Variants in OCLN observed in about 807,000 individuals in gnomAD.
The protein encoded by OCLN is occludin, also known as phosphatase 1, regulatory subunit 115.
A neutral mutation model predicts 47.9 loss-of-function variants in OCLN; 21 were observed. The ratio of observed to expected loss-of-function variants is 0.44; its 90% CI spans 0.31 to 0.63. The LOEUF is 0.63. Among genes scored for constraint, OCLN ranks in the 30% least tolerant of loss-of-function variants. OCLN has a pLI of 0.08. For synonymous variants in OCLN, 117 were observed against 198.4 expected (o/e 0.59, Z 3.45); for missense variants, 360 against 571.0 (o/e 0.63, Z 3.77).
chr5:69,525,799 TTA>T (rs1297276306), intron 4 of OCLN, among the ~76,000 whole-genome samples: 10 of 152,190 alleles, frequency 6.6e-5, no homozygotes, highest in African/African-American at 2.4e-4. Context: ...CTTCTCTCCT[TTA>T]GGGAAAGATG....
chr5:69,496,364 C>T (rs1768291073), intron 1 of OCLN, among the ~76,000 whole-genome samples: 1 of 152,056 alleles, frequency 6.6e-6, no homozygotes, highest in Non-Finnish European at 1.5e-5. Context: ...CCCCAAAGTG[C>T]TGGGATTACA....
chr5:69,514,981 C>T (rs542232323), intron 4 of OCLN, among the ~76,000 whole-genome samples: 131 of 152,366 alleles, frequency 8.6e-4, no homozygotes, highest in Middle Eastern at 3.4e-3. Context: ...GCCTTTCCCC[C>T]CTTTCTATTC....
At chr5:69,496,610 TG>T (rs1379139138) in intron 1 of OCLN, among the ~76,000 whole-genome samples, 2 of 150,250 alleles carry the variant, frequency 1.3e-5, no homozygotes, top group Non-Finnish European at 3.0e-5. Flanking sequence ...CTTACTCTGT[TG>T]CCCAGCCTGA....
rs2111973981 is a variant in OCLN, at chr5:69,509,319, A to G, written c.229A>G (p.Ile77Val). Reference protein sequence around the residue: ...ILSMLIIVMCIAIFACVASTL... With the variant: ...ILSMLIIVMCVAIFACVASTL... The stretch of plus-strand genomic sequence containing the variant: ...GTCTATGCTCATTATTGTGATGTGC[A>G]TTGCCATCTTTGCCTGTGTGGCCTC... The change falls in exon 3 of 9, where the codon ATT (isoleucine) becomes GTT (valine). Residue 77 changes from isoleucine (I) to valine (V), a missense_variant. By Grantham distance (29) the Ile-to-Val change is conservative. Around this residue, in one of 3 missense-constraint regions of OCLN, gnomAD observed 314 missense variants for 368.1 expected, o/e 0.85. Transcript: ENST00000396442. 2 of 1,614,202 alleles carry G rather than the reference A, an allele frequency of 1.2e-6. No homozygotes were observed. Among genetic ancestry groups the G allele is most frequent in the African/African-American group, 2.7e-5 (2 of 75,064 alleles).
At chr5:69,497,210 G>A (rs1317216333) in intron 1 of OCLN, among the ~76,000 whole-genome samples, 2 of 149,150 alleles carry the variant, frequency 1.3e-5, no homozygotes, top group African/African-American at 5.0e-5. Context: ...TCCTAACATT[G>A]AGATGAAATC....
intron 4 of OCLN, among the ~76,000 whole-genome samples, chr5:69,533,859 G>T (rs540145768): frequency 3.3e-5 from 5 of 151,958 alleles, no homozygotes; most frequent in African/African-American, 1.2e-4. Context: ...ACGGGGTTTC[G>T]CTGTGTCAGC....
intron 4 of OCLN, among the ~76,000 whole-genome samples, chr5:69,531,151 T>C (rs1362805999): frequency 6.6e-6 from 1 of 152,200 alleles, no homozygotes; most frequent in Non-Finnish European, 1.5e-5. Context: ...AGTCAGATAG[T>C]GGTGGCTTAA....
At chr5:69,497,905 G>A (rs1399616522) in intron 1 of OCLN, among the ~76,000 whole-genome samples, 1 of 152,040 alleles carries the variant, frequency 6.6e-6, no homozygotes, top group Admixed American at 6.6e-5. Context: ...GGCCGAGGCG[G>A]GCGGATCACG....
intron 4 of OCLN, among the ~76,000 whole-genome samples, chr5:69,530,905 CT>C (rs1414576771): frequency 6.6e-6 from 1 of 152,176 alleles, no homozygotes; most frequent in Non-Finnish European, 1.5e-5. Flanking sequence ...ATGAGGTAAA[CT>C]TTATGCAGCA....
chr5:69,536,031 C>T (rs1769574570), intron 5 of OCLN, among the ~76,000 whole-genome samples: 1 of 152,170 alleles, frequency 6.6e-6, no homozygotes, highest in Non-Finnish European at 1.5e-5. Flanking sequence ...GCAGGAGAGT[C>T]GGTTTAACCC....
intron 4 of OCLN, among the ~76,000 whole-genome samples, chr5:69,523,320 G>A (rs1025255621): frequency 2.0e-5 from 3 of 151,852 alleles, no homozygotes; most frequent in African/African-American, 7.3e-5. Flanking sequence ...TGTGTAAAAG[G>A]GGGCTATTAA....
intron 1 of OCLN, among the ~76,000 whole-genome samples, chr5:69,494,535 T>A (rs1406802495): frequency 6.6e-6 from 1 of 152,224 alleles, no homozygotes; most frequent in Non-Finnish European, 1.5e-5. Context: ...CTTAAGTGTG[T>A]GTGGGAGGCA....
intron 7 of OCLN, among the ~76,000 whole-genome samples, chr5:69,550,438 T>C (rs1769835847): frequency 6.6e-6 from 1 of 151,580 alleles, no homozygotes; most frequent in Non-Finnish European, 1.5e-5. Flanking sequence ...GTGATCTGCC[T>C]GCCTTGGCCT....
At chr5:69,516,102 G>A (rs1244344601) in intron 4 of OCLN, among the ~76,000 whole-genome samples, 68 of 151,820 alleles carry the variant, frequency 4.5e-4, no homozygotes, top group South Asian at 2.1e-4. Context: ...GGTGGCGGCC[G>A]GGCAGAGGCT....
Position 69,493,059 on chromosome 5 carries a change from G to A in OCLN, c.-69+159G>A, listed in dbSNP as rs1288579902. 6.6e-6 allele frequency among the ~76,000 whole-genome samples: 1 copy of A among 151,998 alleles called. No individual in the cohort carries two copies. Among genetic ancestry groups the A allele is most frequent in the Non-Finnish European group, 1.5e-5 (1 of 67,926 alleles). On this transcript the variant is annotated intron_variant, in intron 1 of 8. Coordinates refer to ENST00000396442, the MANE Select transcript of OCLN (RefSeq NM_001205254.2). The surrounding 1 kb of genome is among the most constrained non-coding windows in gnomAD (Gnocchi z 5.3). Reference sequence around the variant, plus strand: ...GCTGGGACTCGTGGGAACCAGAGAGGCGCGGGTCTGCGGAGAGAGCAGCAC... The same window carrying A: ...GCTGGGACTCGTGGGAACCAGAGAGACGCGGGTCTGCGGAGAGAGCAGCAC...
intron 4 of OCLN, among the ~76,000 whole-genome samples, chr5:69,528,353 A>G (rs1769338941): frequency 6.6e-6 from 1 of 152,116 alleles, no homozygotes; most frequent in Admixed American, 6.5e-5. Context: ...CAAGCTGGGA[A>G]AATCCTACTC....
At chr5:69,502,178 A>G (rs1768477105) in intron 1 of OCLN, among the ~76,000 whole-genome samples, 1 of 151,826 alleles carries the variant, frequency 6.6e-6, no homozygotes, top group African/African-American at 2.4e-5. Context: ...CATCCTGGTG[A>G]CAGAGCGAGA....
Position 69,504,287 on chromosome 5 carries a change from G to A in OCLN, c.43G>A (p.Asp15Asn), listed in dbSNP as rs1289762967. 1 of 1,586,306 alleles carries A rather than the reference G, an allele frequency of 6.3e-7. No homozygotes were observed. Among genetic ancestry groups the A allele is most frequent in the Admixed American group, 1.7e-5 (1 of 59,940 alleles). Reference protein sequence around the residue: ...PLESPPPYRPDEFKPNHYAPS... With the variant: ...PLESPPPYRPNEFKPNHYAPS... ...TGAAAGTCCACCTCCTTACAGGCCT[G>A]ATGAATTGTAAGTAAATAATTCTTT... is the stretch of plus-strand genomic sequence containing the variant. The change falls in exon 2 of 9, where the codon GAT (aspartate) becomes AAT (asparagine). Residue 15 changes from aspartate (D) to asparagine (N), a missense_variant. By Grantham distance (23) the Asp-to-Asn change is conservative. Coordinates refer to ENST00000396442, the MANE Select transcript of OCLN (RefSeq NM_001205254.2).
chr5:69,514,034 C>G lies in OCLN; in HGVS notation c.816C>G (p.Asp272Glu). 1 of 1,613,664 alleles carries G rather than the reference C, an allele frequency of 6.2e-7. No individual in the cohort carries two copies. The highest frequency in any genetic ancestry group is 8.5e-7 in the Non-Finnish European group (1 of 1,179,624). The change falls in exon 4 of 9, where the codon GAC (aspartate) becomes GAG (glutamate). Residue 272 changes from aspartate (D) to glutamate (E), a missense_variant. Physicochemically the swap from Asp to Glu is conservative, Grantham distance 45. Around this residue, in one of 3 missense-constraint regions of OCLN, gnomAD observed 314 missense variants for 368.1 expected, o/e 0.85. Transcript: ENST00000396442. ...CTGTGAAAACTCGAAGAAAGATGGA[C>G]AGGTATGACAAGTCCAATATTTTGT... ...FFAVKTRRKMDRYDKSNILWD... is the reference protein window; with the variant it reads ...FFAVKTRRKMERYDKSNILWD...
Sources: gnomAD v4.1 joint callset for allele counts (sites outside exome capture counted in the v4.1 genomes callset) on GRCh38, gnomAD v4.1.1 for gene constraint, gnomAD v4.1.1 regional missense constraint, Gnocchi (gnomAD v3.1) non-coding constraint, MANE v1.5 for transcripts, NCBI Gene and HGNC (gene_info 2026-07-23, HGNC 2026-07-21) for gene names.